The following TMEM245 variants were observed in gnomAD, a reference collection of about 807,000 sequenced individuals.
TMEM245 encodes the protein transmembrane protein 245.
Under a neutral mutation model 101.2 loss-of-function variants are expected in TMEM245, and 69 were observed. That is an observed-to-expected ratio of 0.68 (90% CI 0.56 to 0.83). The LOEUF is 0.83. Ranked by LOEUF, TMEM245 falls within the 40% of genes least tolerant of loss-of-function variation. The pLI is 0.00. For missense variants in TMEM245, 1,075 were observed against 1,092.8 expected, an observed-to-expected ratio of 0.98 and a Z score of 0.23; for synonymous variants, 537 against 449.8, an observed-to-expected ratio of 1.19 and a Z score of -2.45.
intron 5 of TMEM245, among the ~76,000 whole-genome samples, chr9:109,088,646 T>C (rs1340186043): frequency 1.3e-5 from 2 of 150,910 alleles, no homozygotes; most frequent in Non-Finnish European, 3.0e-5. Flanking sequence ...TGAAACCCCG[T>C]CTCTACTAAA....
chr9:109,082,102 G>A (rs1020544397), intron 7 of TMEM245, among the ~76,000 whole-genome samples: 2 of 152,062 alleles, frequency 1.3e-5, no homozygotes, highest in African/African-American at 4.8e-5. Context: ...ACATCCAAAA[G>A]CAAAGAATGT....
At chr9:109,027,800 C>A (rs927561798) in intron 17 of TMEM245, among the ~76,000 whole-genome samples, 1 of 152,108 alleles carries the variant, frequency 6.6e-6, no homozygotes, top group Non-Finnish European at 1.5e-5. Context: ...ATTCTCCTGC[C>A]TCAGTCTCCC....
chr9:109,103,177 T>C (rs552279702), intron 3 of TMEM245, among the ~76,000 whole-genome samples: 2 of 152,336 alleles, frequency 1.3e-5, no homozygotes, highest in Admixed American at 6.5e-5. Flanking sequence ...ACTATCCCTA[T>C]TGCAGATGAC....
Position 109,119,371 on chromosome 9 carries a change from G to A in TMEM245, c.543C>T (p.Leu181=), listed in dbSNP as rs558516873. ...VQVLLVHAAT[L]ICRGLDYFSS... is the part of the protein sequence containing the mutation. ...TGAAGTAGTCCAGCCCGCGGCAGAT[G>A]AGCGTGGCAGCGTGCACCAGCAGCA... The change falls in exon 1 of 18, where the codon CTC becomes CTT. Residue 181 remains leucine, a synonymous_variant. Coordinates refer to ENST00000374586, the MANE Select transcript of TMEM245 (RefSeq NM_032012.4). 96 of 1,530,218 alleles carry A rather than the reference G, an allele frequency of 6.3e-5. 1 individual carries two copies. The Admixed American group carries it at 1.5e-3, about 24-fold the overall frequency. The allele number at this position is 1,530,218 out of a possible 1,614,324, so 94.8% of individuals were successfully genotyped here.
chr9:109,078,309 A>C (rs1564194686), intron 8 of TMEM245, among the ~76,000 whole-genome samples: 1 of 152,208 alleles, frequency 6.6e-6, no homozygotes. Context: ...AATTAAAAGA[A>C]GACAGGGGAA....
chr9:109,048,629 A>G (rs1828575503), intron 14 of TMEM245, among the ~76,000 whole-genome samples: 1 of 152,204 alleles, frequency 6.6e-6, no homozygotes, highest in Admixed American at 6.5e-5. Flanking sequence ...ATAAGAAGTA[A>G]AAATGTAGTT....
At chr9:109,104,294 T>G in intron 3 of TMEM245, among the ~76,000 whole-genome samples, 1 of 152,056 alleles carries the variant, frequency 6.6e-6, no homozygotes, top group Non-Finnish European at 1.5e-5. Context: ...AAACATTCCA[T>G]GTACCCCATA....
intron 1 of TMEM245, among the ~76,000 whole-genome samples, chr9:109,112,118 AC>A (rs532271644): frequency 3.3e-5 from 5 of 152,200 alleles, no homozygotes; most frequent in Non-Finnish European, 7.3e-5. Context: ...TTATACAATT[AC>A]CAATGGTTAA....
Position 109,051,521 on chromosome 9 carries a change from C to A in TMEM245, c.1855-829G>T, listed in dbSNP as rs79186596. Among the ~76,000 whole-genome samples the A allele has an allele frequency of 5.5e-3, 837 of 152,172 alleles. 9 individuals carry two copies. Among genetic ancestry groups the A allele is most frequent in the African/African-American group, 0.019 (789 of 41,490 alleles). On this transcript the variant is annotated intron_variant, in intron 12 of 17. Transcript: ENST00000374586. Reference sequence around the variant, plus strand: ...ACACATATAGGCTGTAAGATACAACCTACTACTCCTAAACTATAAACCTTT... The same window carrying A: ...ACACATATAGGCTGTAAGATACAACATACTACTCCTAAACTATAAACCTTT...
chr9:109,038,240 A>T (rs1828197502), intron 14 of TMEM245, 123 bp from the exon 15 acceptor site: 1 of 565,702 alleles, frequency 1.8e-6, no homozygotes, highest in South Asian at 3.3e-5. Flanking sequence ...TGGCCTGAGA[A>T]TGCTATTTTC....
Position 109,033,350 on chromosome 9 carries a change from C to T in TMEM245, c.2551G>A (p.Val851Ile). Residue 851 changes from valine to isoleucine, a missense_variant, in exon 17 of 18, where the codon GTT (valine) becomes ATT (isoleucine). Physicochemically the swap from Val to Ile is conservative, Grantham distance 29. Coordinates refer to ENST00000374586, the MANE Select transcript of TMEM245 (RefSeq NM_032012.4). ...CATGGGGTCTGGTTTGGCGTGGGAA[C>T]TGAATTCGTGGGACTCACTAGCATG... Reference protein sequence around the residue: ...SAMLVSPTNSVPTPNQTPWPA... With the variant: ...SAMLVSPTNSIPTPNQTPWPA... 4 of 1,613,588 alleles carry T rather than the reference C, an allele frequency of 2.5e-6. No homozygotes were observed.
chr9:109,115,819 C>T (rs1261567875), intron 1 of TMEM245, among the ~76,000 whole-genome samples: 8 of 151,924 alleles, frequency 5.3e-5, no homozygotes, highest in African/African-American at 1.2e-4. Flanking sequence ...TGTGAGCAAC[C>T]GCACCTGGCC....
chr9:109,023,758 C>T (rs1456342962), intron 17 of TMEM245, among the ~76,000 whole-genome samples: 1 of 151,670 alleles, frequency 6.6e-6, no homozygotes, highest in African/African-American at 2.4e-5. Context: ...ATGGCGTGAA[C>T]CTGGGAGGTG....
chr9:109,105,094 T>G (rs1395400540), intron 3 of TMEM245, among the ~76,000 whole-genome samples: 1 of 152,080 alleles, frequency 6.6e-6, no homozygotes, highest in Non-Finnish European at 1.5e-5. Context: ...TATTTAAAAA[T>G]CATATATTTG....
At chr9:109,098,264 G>A (rs1165879870) in intron 3 of TMEM245, among the ~76,000 whole-genome samples, 1 of 152,066 alleles carries the variant, frequency 6.6e-6, no homozygotes, top group Non-Finnish European at 1.5e-5. Context: ...ACTTGCTAAT[G>A]GCACTAAAAT....
rs1041420066 is a variant in TMEM245 at position 109,038,175 on chromosome 9, G to GA, written c.2124-59dup. The GA allele has an allele frequency of 6.2e-5, 82 of 1,326,870 alleles. No homozygotes were observed. The African/African-American group carries it at 1.1e-3, about 18-fold the overall frequency. The allele number at this position is 1,326,870 out of a possible 1,614,324, so 82.2% of individuals were successfully genotyped here. ...ATAAACAGTGTCATATCGTGATTCA[G>GA]AAAAATCACGTGACCACTTGATTCC... is the stretch of plus-strand genomic sequence containing the variant. On this transcript the variant is annotated intron_variant, in intron 14 of 17. Coordinates refer to ENST00000374586, the MANE Select transcript of TMEM245 (RefSeq NM_032012.4).
At chr9:109,109,819 A>G (rs1830521734) in intron 1 of TMEM245, among the ~76,000 whole-genome samples, 1 of 152,164 alleles carries the variant, frequency 6.6e-6, no homozygotes, top group African/African-American at 2.4e-5. Context: ...CAAAGACTAT[A>G]TAGTTTAAAA....
Position 109,015,870 on chromosome 9 carries a change from A to T in TMEM245, c.*4590T>A, listed in dbSNP as rs1827425205. The stretch of plus-strand genomic sequence containing the variant: ...TATATCACCACTGTATTTGCACATT[A>T]GTTGATCCTTGAAAAACCTGCAAAA... On this transcript the variant is annotated 3_prime_UTR_variant, in exon 18 of 18. Coordinates refer to ENST00000374586, the MANE Select transcript of TMEM245 (RefSeq NM_032012.4). 1 of 152,456 alleles carries T rather than the reference A, an allele frequency of 6.6e-6. No homozygotes were observed. Among genetic ancestry groups the T allele is most frequent in the East Asian group, 1.9e-4 (1 of 5,206 alleles). The allele number at this position is 152,456 out of a possible 1,614,324, so 9.4% of individuals were successfully genotyped here. A position where few individuals can be genotyped will look rare whatever the true frequency, so the allele number is the denominator to read the frequency against.
chr9:109,082,154 C>T (rs1327690474), intron 7 of TMEM245, among the ~76,000 whole-genome samples: 1 of 152,178 alleles, frequency 6.6e-6, no homozygotes, highest in Non-Finnish European at 1.5e-5. Context: ...TTTACTTTCA[C>T]TTGACGTTTA....
Sources: gnomAD v4.1 joint callset for allele counts (sites outside exome capture counted in the v4.1 genomes callset) on GRCh38, gnomAD v4.1.1 for gene constraint, MANE v1.5 for transcripts, NCBI Gene and HGNC (gene_info 2026-07-23, HGNC 2026-07-21) for gene names.